Variants in IFNGR1 observed in about 807,000 individuals in gnomAD.
The protein encoded by IFNGR1 is interferon gamma receptor 1.
In IFNGR1, 23 loss-of-function variants were observed where a neutral mutation model predicts 35.4. The ratio of observed to expected loss-of-function variants is 0.65; its 90% CI spans 0.47 to 0.92. The LOEUF (loss-of-function observed/expected upper bound fraction) is 0.92. IFNGR1 is among the 40% of genes least tolerant of loss of function. The pLI is 0.00. For synonymous variants in IFNGR1, 199 were observed against 209.5 expected (o/e 0.95, Z 0.43); for missense variants, 533 against 583.4 (o/e 0.91, Z 0.89).
chr6:137,199,449 A>AC, intron 6 of IFNGR1, among the ~76,000 whole-genome samples: 1 of 96,960 alleles, frequency 1.0e-5, no homozygotes, highest in East Asian at 3.1e-4. Context: ...TAATATATAA[A>AC]ATATATAACT....
intron 1 of IFNGR1, among the ~76,000 whole-genome samples, chr6:137,217,532 A>G (rs1270690412): frequency 1.3e-5 from 2 of 152,270 alleles, no homozygotes; most frequent in African/African-American, 4.8e-5. Flanking sequence ...AGAATGGAGG[A>G]GGCTGCAAGA....
chr6:137,219,239 G>A lies in IFNGR1; in HGVS notation c.85+4C>T, dbSNP rs747942550. On this transcript the variant is annotated splice_donor_region_variant and intron_variant, in intron 1 of 6. Transcript: ENST00000367739. ...GGCCGCAGCCCTGCCGCGAACGACG[G>A]TACCTGAGGACGGCCCCAGATCCGC... 21 of 1,608,196 alleles carry A rather than the reference G, an allele frequency of 1.3e-5. No homozygotes were observed. The highest frequency in any genetic ancestry group is 2.2e-5 in the East Asian group (1 of 44,612).
At chr6:137,199,382 T>C (rs1403869127) in intron 6 of IFNGR1, among the ~76,000 whole-genome samples, 1 of 128,104 alleles carries the variant, frequency 7.8e-6, no homozygotes, top group Non-Finnish European at 1.6e-5. Flanking sequence ...AAATATAATT[T>C]ATATTACATA....
intron 1 of IFNGR1, chr6:137,218,597 C>CT: frequency 1.2e-6 from 1 of 813,798 alleles, no homozygotes; most frequent in African/African-American, 2.2e-5. Context: ...AGTCCCCCCC[C>CT]CCACCCCCGC....
rs553199237 is a variant in IFNGR1 at position 137,218,606 on chromosome 6, G to A, written c.85+637C>T. 8.2e-3 allele frequency: 5,420 copies of A among 660,508 alleles called. 50 individuals carry two copies. Among genetic ancestry groups the A allele is most frequent in the Non-Finnish European group, 9.5e-3 (4,483 of 470,738 alleles). The allele number at this position is 660,508 out of a possible 1,614,324, so 40.9% of individuals were successfully genotyped here. ...ACTTTGAGTCCCCCCCCCCACCCCC[G>A]CTAAGAAAGAAGTATTTAAGCCACG... On this transcript the variant is annotated intron_variant, in intron 1 of 6. Coordinates refer to ENST00000367739, the MANE Select transcript of IFNGR1 (RefSeq NM_000416.3).
chr6:137,216,409 ATAC>A (rs1269985319), intron 1 of IFNGR1, among the ~76,000 whole-genome samples: 13 of 152,204 alleles, frequency 8.5e-5, no homozygotes, highest in African/African-American at 2.9e-4. Context: ...GAAGAGTGAA[ATAC>A]TACTGATTAA....
chr6:137,198,480 C>T lies in IFNGR1; in HGVS notation c.1021G>A (p.Gly341Arg), dbSNP rs2114444591. 1 of 1,614,098 alleles carries T rather than the reference C, an allele frequency of 6.2e-7. No homozygotes were observed. Among genetic ancestry groups the T allele is most frequent in the Non-Finnish European group, 8.5e-7 (1 of 1,180,008 alleles). ...AGTTCTTCTGTATGTTCCACTTTTC[C>T]TGGATTGTCTTCGGTATGCATGCCT... The part of the protein sequence containing the change: ...VPGMHTEDNP[G>R]KVEHTEELSS... The change falls in exon 7 of 7, where the codon GGA becomes AGA. Residue 341 changes from glycine to arginine, a missense_variant. Gly to Arg is a moderately radical substitution (Grantham distance 125). Transcript: ENST00000367739.
chr6:137,206,067 G>T, intron 3 of IFNGR1, 69 bp downstream of exon 3: 1 of 1,287,170 alleles, frequency 7.8e-7, no homozygotes, highest in Non-Finnish European at 1.1e-6. Context: ...GCTAATAAAA[G>T]CAAACATACA....
intron 1 of IFNGR1, among the ~76,000 whole-genome samples, chr6:137,214,508 C>T (rs1172331533): frequency 2.6e-5 from 4 of 152,182 alleles, no homozygotes; most frequent in East Asian, 1.9e-4. Context: ...AAGAGCCAGG[C>T]ATAACACATA....
chr6:137,217,615 A>G (rs2114521607), intron 1 of IFNGR1, among the ~76,000 whole-genome samples: 1 of 152,338 alleles, frequency 6.6e-6, no homozygotes, highest in Admixed American at 6.5e-5. Context: ...CCAGACAGAA[A>G]TAAGAAATGG....
chr6:137,219,186 G>C (rs1779785087), intron 1 of IFNGR1, 57 bp downstream of exon 1: 3 of 1,554,274 alleles, frequency 1.9e-6, no homozygotes, highest in Middle Eastern at 2.2e-4. Flanking sequence ...GGCTGGGGCG[G>C]ATCCCTCCCT....
rs572477093 is a variant in IFNGR1 at position 137,211,721 on chromosome 6, C to CT, written c.86-4645dup. ...GATACTGAGGCTTCCTTAAGAGGGT[C>CT]TTTTTTCTATCACACGTTTGCATCT... On this transcript the variant is annotated intron_variant, in intron 1 of 6. Transcript: ENST00000367739. Among the ~76,000 whole-genome samples, 331 of 152,226 alleles carry CT rather than the reference C, an allele frequency of 2.2e-3. 2 individuals are homozygous for CT. Among genetic ancestry groups the CT allele is most frequent in the African/African-American group, 7.0e-3 (292 of 41,534 alleles).
At chr6:137,206,905 T>C (rs1779443763) in intron 2 of IFNGR1, 58 bp downstream of exon 2, 41 of 1,340,588 alleles carry the variant, frequency 3.1e-5, no homozygotes, top group Non-Finnish European at 4.4e-5. Context: ...AGTTGTGGAA[T>C]TTCCAAGGAC....
chr6:137,218,075 A>G (rs897326394), intron 1 of IFNGR1, among the ~76,000 whole-genome samples: 65 of 152,228 alleles, frequency 4.3e-4, no homozygotes, highest in African/African-American at 1.5e-3. Flanking sequence ...AGAGCCTAGA[A>G]GAGCAGTTAA....
At chr6:137,208,730 G>A (rs1005965574) in intron 1 of IFNGR1, among the ~76,000 whole-genome samples, 1 of 152,218 alleles carries the variant, frequency 6.6e-6, no homozygotes, top group Non-Finnish European at 1.5e-5. Context: ...TGCTGCAGGG[G>A]CAGGGCCCTC....
In IFNGR1 at chr6:137,218,411, TA is replaced by T. The variant is rs1419094223; in HGVS notation, c.85+831del. 2.9e-6 allele frequency: 3 copies of T among 1,034,072 alleles called. No homozygotes were observed. The Admixed American group carries it at 6.9e-5, about 24-fold the overall frequency. 64.1% of individuals were successfully genotyped at this position (1,034,072 alleles called of 1,614,324 possible). ...GGAAATGTCAATAAGCAGGTGGAAA[TA>T]AAATGCTCCGAAGAACAAACCCGTA... is the stretch of plus-strand genomic sequence containing the variant. On this transcript the variant is annotated intron_variant, in intron 1 of 6. Coordinates refer to ENST00000367739, the MANE Select transcript of IFNGR1 (RefSeq NM_000416.3).
rs56323226 is a variant in IFNGR1 at position 137,201,673 on chromosome 6, A to G, written c.734-665T>C. ...GGTGACAGAGCGAGACTCCATTTCA[A>G]AACAAAACAAAACAACAAAAAAAAA... On this transcript the variant is annotated intron_variant, in intron 5 of 6. Coordinates refer to ENST00000367739, the MANE Select transcript of IFNGR1 (RefSeq NM_000416.3). Among the ~76,000 whole-genome samples the G allele has an allele frequency of 9.7e-3, 1,419 of 146,348 alleles. 27 individuals are homozygous for G. The highest frequency in any genetic ancestry group is 0.033 in the African/African-American group (1,356 of 40,946).
At chr6:137,207,278 C>T (rs937667659) in intron 1 of IFNGR1, among the ~76,000 whole-genome samples, 28 of 152,088 alleles carry the variant, frequency 1.8e-4, no homozygotes, top group African/African-American at 6.0e-4. Context: ...AGTTCTGATT[C>T]GTTTTAAATT....
In IFNGR1 at chr6:137,203,213, A is replaced by C. The variant is rs1028553080; in HGVS notation, c.733+286T>G. 3.3e-5 allele frequency among the ~76,000 whole-genome samples: 5 copies of C among 152,182 alleles called. No homozygotes were observed. In the East Asian group the frequency reaches 9.6e-4, roughly 29 times the overall value. On this transcript the variant is annotated intron_variant, in intron 5 of 6. Transcript: ENST00000367739. The stretch of plus-strand genomic sequence containing the variant: ...GTAACAAACTGACTTATAATTCATA[A>C]TCCTGAAATGCAAACATTTGTGTAG...
Sources: gnomAD v4.1 joint callset for allele counts (sites outside exome capture counted in the v4.1 genomes callset) on GRCh38, gnomAD v4.1.1 for gene constraint, MANE v1.5 for transcripts, NCBI Gene and HGNC (gene_info 2026-07-23, HGNC 2026-07-21) for gene names.